The following ADAMTSL3 variants were observed in gnomAD, a reference collection of about 807,000 sequenced individuals.
ADAMTSL3 encodes the protein ADAMTS like 3, also known as ADAMTS-like protein 3.
In ADAMTSL3, 128 loss-of-function variants were observed where a neutral mutation model predicts 201.7. That is an observed-to-expected ratio of 0.63 (90% CI 0.55 to 0.73). ADAMTSL3 has a LOEUF of 0.73. Ranked by LOEUF, ADAMTSL3 falls within the 30% of genes least tolerant of loss-of-function variation. The probability of loss-of-function intolerance (pLI) is 0.00; values close to 1 mark genes in which losing one functional copy is unlikely to be tolerated. For synonymous variants in ADAMTSL3, 738 were observed against 748.4 expected, an observed-to-expected ratio of 0.99 and a Z score of 0.23; for missense variants, 1,990 against 2,119.6, an observed-to-expected ratio of 0.94 and a Z score of 1.20.
intron 6 of ADAMTSL3, among the ~76,000 whole-genome samples, chr15:83,821,795 C>T (rs1322912847): frequency 6.6e-6 from 1 of 151,966 alleles, no homozygotes; most frequent in Non-Finnish European, 1.5e-5. Flanking sequence ...GGCAGAGGGG[C>T]TCCTCACTTC....
At chr15:83,708,389 C>A (rs2061882519) in intron 3 of ADAMTSL3, among the ~76,000 whole-genome samples, 1 of 152,144 alleles carries the variant, frequency 6.6e-6, no homozygotes, top group Non-Finnish European at 1.5e-5. Flanking sequence ...TCAAATGTCT[C>A]CTGGGTTAGA....
At chr15:83,840,210 A>G (rs1471209595) in intron 7 of ADAMTSL3, among the ~76,000 whole-genome samples, 1 of 152,214 alleles carries the variant, frequency 6.6e-6, no homozygotes, top group African/African-American at 2.4e-5. Context: ...AGAACTTAGC[A>G]AGAGCAGTAC....
chr15:83,910,402 A>T (rs2065909433), intron 15 of ADAMTSL3, among the ~76,000 whole-genome samples: 1 of 151,544 alleles, frequency 6.6e-6, no homozygotes, highest in Admixed American at 6.6e-5. Context: ...TTTAAATAAA[A>T]AATAATACAT....
intron 17 of ADAMTSL3, among the ~76,000 whole-genome samples, chr15:83,931,521 C>A (rs1313508855): frequency 6.6e-6 from 1 of 152,164 alleles, no homozygotes; most frequent in African/African-American, 2.4e-5. Flanking sequence ...CAATTGTCAT[C>A]CAAATATGAC....
At chr15:83,663,556 C>T (rs2061205021) in intron 2 of ADAMTSL3, among the ~76,000 whole-genome samples, 1 of 152,200 alleles carries the variant, frequency 6.6e-6, no homozygotes, top group Non-Finnish European at 1.5e-5. Context: ...TCTTAGTGTA[C>T]TGTGCTTTGC....
chr15:83,863,680 C>T (rs1235507627), intron 8 of ADAMTSL3, among the ~76,000 whole-genome samples: 1 of 152,150 alleles, frequency 6.6e-6, no homozygotes, highest in Admixed American at 6.5e-5. Context: ...CTAAAATTGA[C>T]ACCCTCACAT....
intron 15 of ADAMTSL3, among the ~76,000 whole-genome samples, chr15:83,909,605 A>G (rs1020521441): frequency 2.0e-5 from 3 of 151,944 alleles, no homozygotes; most frequent in African/African-American, 7.3e-5. Flanking sequence ...TGCACCATCA[A>G]TGAGTGGTTT....
At chr15:83,805,283 C>T (rs12438035) in intron 5 of ADAMTSL3, among the ~76,000 whole-genome samples, 22,695 of 152,112 alleles carry the variant, frequency 0.15, 2,271 homozygotes, top group Middle Eastern at 0.32. Flanking sequence ...TAAGGCCAGG[C>T]GCATTGGCTC....
intron 7 of ADAMTSL3, among the ~76,000 whole-genome samples, chr15:83,841,964 C>A (rs1323741891): frequency 2.6e-5 from 4 of 151,640 alleles, no homozygotes; most frequent in Non-Finnish European, 5.9e-5. Flanking sequence ...GAAATTTGGC[C>A]GAGGGCGGAC....
intron 2 of ADAMTSL3, among the ~76,000 whole-genome samples, chr15:83,678,747 T>TAAC (rs1330459895): frequency 0.014 from 1,956 of 144,368 alleles, 54 homozygotes; most frequent in African/African-American, 0.047. Flanking sequence ...CTAATATATA[T>TAAC]ATTATATATA....
chr15:83,971,499 G>A (rs1253966344), intron 20 of ADAMTSL3, among the ~76,000 whole-genome samples: 2 of 147,012 alleles, frequency 1.4e-5, no homozygotes, highest in South Asian at 2.1e-4. Context: ...GGAGGTTGCA[G>A]TGAGTCGAGA....
At chr15:83,663,742 G>A (rs575547129) in intron 2 of ADAMTSL3, among the ~76,000 whole-genome samples, 1 of 152,338 alleles carries the variant, frequency 6.6e-6, no homozygotes, top group East Asian at 1.9e-4. Flanking sequence ...GTCTGAGCAG[G>A]AAGATCTTGG....
chr15:83,924,412 A>G (rs1201466055), intron 17 of ADAMTSL3, among the ~76,000 whole-genome samples: 2 of 152,308 alleles, frequency 1.3e-5, no homozygotes, highest in African/African-American at 2.4e-5. Flanking sequence ...ACATTGGTAC[A>G]CAGTAGGTGC....
intron 28 of ADAMTSL3, among the ~76,000 whole-genome samples, chr15:84,034,073 G>A (rs533861594): frequency 2.6e-5 from 4 of 152,158 alleles, no homozygotes; most frequent in South Asian, 4.2e-4. Flanking sequence ...TTTATAACCT[G>A]ATGCTTTTCT....
rs1446166265 is a variant in ADAMTSL3 at position 83,991,299 on chromosome 15, A to G, written c.3973+85A>G. ...GTGTTGCCAGGAAACACCAGCTGGCATTTTGGTATTCGAGACCTCAGCCTG... is the reference window on the plus strand; with the variant it reads ...GTGTTGCCAGGAAACACCAGCTGGCGTTTTGGTATTCGAGACCTCAGCCTG... On this transcript the variant is annotated intron_variant, in intron 23 of 29. Transcript: ENST00000286744. 4 of 1,589,814 alleles carry G rather than the reference A, an allele frequency of 2.5e-6. No homozygotes were observed. The African/African-American group carries it at 4.0e-5, about 16-fold the overall frequency.
At chr15:84,001,918 C>G (rs1221813675) in intron 23 of ADAMTSL3, among the ~76,000 whole-genome samples, 1 of 152,224 alleles carries the variant, frequency 6.6e-6, no homozygotes, top group Non-Finnish European at 1.5e-5. Flanking sequence ...AAATTATGCA[C>G]TGTCTGGTAG....
chr15:83,865,312 G>A (rs572702502), intron 8 of ADAMTSL3, among the ~76,000 whole-genome samples: 4 of 152,016 alleles, frequency 2.6e-5, no homozygotes, highest in African/African-American at 4.8e-5. Context: ...CAAGTCAATC[G>A]TAACCCAAAA....
chr15:83,892,621 C>G, intron 12 of ADAMTSL3, 63 bp from the exon 13 acceptor site: 1 of 1,516,022 alleles, frequency 6.6e-7, no homozygotes, highest in Non-Finnish European at 8.9e-7. Context: ...TTTTTGCCAC[C>G]ATCTTTGCAA....
intron 15 of ADAMTSL3, among the ~76,000 whole-genome samples, chr15:83,903,926 A>AGGGAGGGAGGGAGGGAGGGAGGGAGG (rs1283956007): frequency 3.1e-5 from 1 of 31,776 alleles, no homozygotes. Context: ...TCAAAAAAAA[A>AGGGAGGGAGGGAGGGAGGGAGGGAGG]AAAAAAAAAA....
Sources: gnomAD v4.1 joint callset for allele counts (sites outside exome capture counted in the v4.1 genomes callset) on GRCh38, gnomAD v4.1.1 for gene constraint, MANE v1.5 for transcripts, NCBI Gene and HGNC (gene_info 2026-07-23, HGNC 2026-07-21) for gene names.